The following CEP350 variants were observed in gnomAD, a reference collection of about 807,000 sequenced individuals.
CEP350 encodes centrosome-associated protein 350.
In CEP350, 126 loss-of-function variants were observed where a neutral mutation model predicts 331.8. The ratio of observed to expected loss-of-function variants is 0.38; its 90% CI spans 0.33 to 0.44. CEP350 has a LOEUF of 0.44. CEP350 is among the 20% of genes least tolerant of loss of function. CEP350 has a pLI of 1.00. For synonymous variants in CEP350, 1,200 were observed against 1,259.5 expected, an observed-to-expected ratio of 0.95 and a Z score of 1.00; for missense variants, 3,406 against 3,634.6, an observed-to-expected ratio of 0.94 and a Z score of 1.62.
At chr1:180,106,709 G>A (rs141251596) in intron 37 of CEP350, among the ~76,000 whole-genome samples, 49 of 152,198 alleles carry the variant, frequency 3.2e-4, no homozygotes, top group African/African-American at 1.1e-3. Flanking sequence ...TAGGATTATA[G>A]GGATGCATCA....
chr1:180,074,600 TTTATTG>T (rs1167863518), intron 27 of CEP350, among the ~76,000 whole-genome samples: 1 of 152,204 alleles, frequency 6.6e-6, no homozygotes, highest in Non-Finnish European at 1.5e-5. Context: ...GGGTTTGTTT[TTTATTG>T]TTGTTTTTGG....
intron 9 of CEP350, 22 bp downstream of exon 9, chr1:180,012,097 A>G (rs1488374236): frequency 2.0e-6 from 3 of 1,524,236 alleles, no homozygotes; most frequent in East Asian, 2.5e-5. Flanking sequence ...TAATTAAAAT[A>G]GTTGAGAAAA....
intron 14 of CEP350, among the ~76,000 whole-genome samples, chr1:180,030,961 G>A (rs557447679): frequency 3.4e-4 from 51 of 152,094 alleles, no homozygotes; most frequent in African/African-American, 1.1e-3. Context: ...CAGTTGGTAC[G>A]ATTTTTCTCC....
chr1:180,036,886 C>A, intron 16 of CEP350, 40 bp from the exon 17 acceptor site: 1 of 1,456,626 alleles, frequency 6.9e-7, no homozygotes, highest in Non-Finnish European at 9.1e-7. Flanking sequence ...AGTGTAATTT[C>A]ATGTTAACTT....
intron 31 of CEP350, chr1:180,085,898 C>T (rs1317673643): frequency 6.6e-6 from 1 of 152,194 alleles, no homozygotes; most frequent in Admixed American, 6.5e-5. Flanking sequence ...GCTAATTACA[C>T]ATATTTTTCA....
intron 25 of CEP350, among the ~76,000 whole-genome samples, chr1:180,056,532 C>T (rs953046259): frequency 7.6e-6 from 1 of 131,374 alleles, no homozygotes; most frequent in Non-Finnish European, 1.6e-5. Flanking sequence ...TACAGTGGCA[C>T]GATCTCAGCT....
In CEP350 at chr1:180,092,772, C is replaced by T. The variant is rs1660274830; in HGVS notation, c.6667C>T (p.Leu2223=). The change falls in exon 34 of 38, where the codon CTA becomes TTA. Residue 2223 remains leucine (L), a synonymous_variant. Coordinates refer to ENST00000367607, the MANE Select transcript of CEP350 (RefSeq NM_014810.5). ...AATCAGAGAAGAATCTGGAGATTCT[C>T]TAGAAAATGTACCTGCATTACATCT... ...RKIREESGDS[L]ENVPALHLLK... is the part of the protein sequence containing the mutation. The T allele has an allele frequency of 1.3e-6, 2 of 1,586,640 alleles. No individual in the cohort carries two copies. Among genetic ancestry groups the T allele is most frequent in the Non-Finnish European group, 8.6e-7 (1 of 1,164,952 alleles).
intron 31 of CEP350, among the ~76,000 whole-genome samples, chr1:180,084,952 T>G (rs1190597665): frequency 1.3e-5 from 2 of 152,086 alleles, no homozygotes; most frequent in Admixed American, 6.5e-5. Flanking sequence ...AAAGAAAGAT[T>G]GGTGTCTATA....
At chr1:180,015,396 G>A (rs995731422) in intron 10 of CEP350, among the ~76,000 whole-genome samples, 2 of 151,932 alleles carry the variant, frequency 1.3e-5, no homozygotes, top group Admixed American at 1.3e-4. Context: ...TACCTCGCCC[G>A]GCTAATTTTT....
intron 1 of CEP350, among the ~76,000 whole-genome samples, chr1:179,972,681 T>C (rs1415850029): frequency 6.6e-6 from 1 of 150,530 alleles, no homozygotes; most frequent in Non-Finnish European, 1.5e-5. Flanking sequence ...AAAAGAGTGT[T>C]TTTAGAGAGT....
At chr1:180,088,421 CAAAA>C (rs10556094) in intron 32 of CEP350, among the ~76,000 whole-genome samples, 7 of 142,498 alleles carry the variant, frequency 4.9e-5, no homozygotes, top group Admixed American at 1.4e-4. Flanking sequence ...TGACTAAAAG[CAAAA>C]AAAAAAAAAA....
chr1:179,980,310 A>G (rs1652180484), intron 1 of CEP350, among the ~76,000 whole-genome samples: 1 of 145,984 alleles, frequency 6.9e-6, no homozygotes, highest in Non-Finnish European at 1.5e-5. Flanking sequence ...TTTACTGTGG[A>G]TGGGATTGCT....
At chr1:180,025,991 G>T (rs750540509) in intron 14 of CEP350, among the ~76,000 whole-genome samples, 1 of 152,190 alleles carries the variant, frequency 6.6e-6, no homozygotes, top group Non-Finnish European at 1.5e-5. Flanking sequence ...ATAGGAGGAA[G>T]ACATCAATGA....
chr1:180,058,761 G>A (rs190993635), intron 25 of CEP350, among the ~76,000 whole-genome samples: 14 of 152,058 alleles, frequency 9.2e-5, no homozygotes, highest in African/African-American at 2.9e-4. Flanking sequence ...GATCCAATTG[G>A]TTACCCCTGA....
intron 25 of CEP350, among the ~76,000 whole-genome samples, chr1:180,054,765 A>C (rs994551939): frequency 6.6e-6 from 1 of 152,246 alleles, no homozygotes; most frequent in Non-Finnish European, 1.5e-5. Context: ...GTAGAAGAAA[A>C]TACTCTTTTG....
intron 4 of CEP350, among the ~76,000 whole-genome samples, chr1:179,991,393 T>C (rs550346513): frequency 6.8e-6 from 1 of 146,210 alleles, no homozygotes; most frequent in South Asian, 2.3e-4. Flanking sequence ...CTCTACTCAC[T>C]GCAACCTCTA....
At position 180,082,237 on chromosome 1, in the gene CEP350, T is replaced by G. The variant is rs549914647; in HGVS notation, c.6124+1576T>G. On this transcript the variant is annotated intron_variant, in intron 30 of 37. Coordinates refer to ENST00000367607, the MANE Select transcript of CEP350 (RefSeq NM_014810.5). ...CTTATTTAAGTAAGAATAAATGGTT[T>G]TAGAAAAGTAGCTCTGAGGTTTCTA... 6.6e-5 allele frequency among the ~76,000 whole-genome samples: 10 copies of G among 152,314 alleles called. No individual in the cohort carries two copies. The South Asian group carries it at 2.1e-3, about 32-fold the overall frequency.
chr1:180,044,484 T>G (rs1164867009), intron 21 of CEP350, among the ~76,000 whole-genome samples: 3 of 151,974 alleles, frequency 2.0e-5, no homozygotes, highest in African/African-American at 7.3e-5. Context: ...CATGGAGATG[T>G]TACTATGCAG....
intron 27 of CEP350, among the ~76,000 whole-genome samples, chr1:180,071,103 A>T (rs1658855383): frequency 7.0e-6 from 1 of 142,788 alleles, no homozygotes; most frequent in African/African-American, 2.6e-5. Flanking sequence ...AGCCAAGATC[A>T]TGCCATTACA....
Sources: gnomAD v4.1 joint callset for allele counts (sites outside exome capture counted in the v4.1 genomes callset) on GRCh38, gnomAD v4.1.1 for gene constraint, MANE v1.5 for transcripts, NCBI Gene and HGNC (gene_info 2026-07-23, HGNC 2026-07-21) for gene names.